The following MACROD2 variants were observed in gnomAD, a reference collection of about 807,000 sequenced individuals.
The protein encoded by MACROD2 is mono-ADP ribosylhydrolase 2, also known as ADP-ribose glycohydrolase MACROD2.
A neutral mutation model predicts 70.4 loss-of-function variants in MACROD2; 36 were observed. That is an observed-to-expected ratio of 0.51 (90% CI 0.39 to 0.68). MACROD2 has a LOEUF of 0.68. Among genes scored for constraint, MACROD2 ranks in the 30% least tolerant of loss-of-function variants. The pLI, the probability that MACROD2 is intolerant of heterozygous loss-of-function variation, is 0.00. For synonymous variants in MACROD2, 172 were observed against 178.8 expected (o/e 0.96, Z 0.30); for missense variants, 496 against 538.4 (o/e 0.92, Z 0.78).
intron 5 of MACROD2, among the ~76,000 whole-genome samples, chr20:15,079,418 G>C (rs562808223): frequency 1.3e-5 from 2 of 151,876 alleles, no homozygotes; most frequent in East Asian, 3.9e-4. Flanking sequence ...TACTCTTTTT[G>C]ATCTTGCCAT....
At chr20:15,451,480 A>G (rs374759995) in intron 7 of MACROD2, among the ~76,000 whole-genome samples, 1 of 150,380 alleles carries the variant, frequency 6.6e-6, no homozygotes, top group Non-Finnish European at 1.5e-5. Context: ...TTTGAAATAC[A>G]CTCGAGAATG....
In MACROD2 at chr20:14,111,761, G is replaced by A. The variant is rs148589099; in HGVS notation, c.271+26033G>A. Among the ~76,000 whole-genome samples, 116 of 152,088 alleles carry A rather than the reference G, an allele frequency of 7.6e-4. 1 individual carries two copies. The highest frequency in any genetic ancestry group is 2.6e-3 in the African/African-American group (110 of 41,530). Reference sequence around the variant, plus strand: ...AGGGAACCTTTGTACACTGTTGATGGGAATGTAAGCTAGTACAATCACTGT... The same window carrying A: ...AGGGAACCTTTGTACACTGTTGATGAGAATGTAAGCTAGTACAATCACTGT... On this transcript the variant is annotated intron_variant, in intron 3 of 17. Transcript: ENST00000684519.
intron 7 of MACROD2, among the ~76,000 whole-genome samples, chr20:15,481,018 C>A (rs2047089893): frequency 6.6e-6 from 1 of 152,190 alleles, no homozygotes; most frequent in South Asian, 2.1e-4. Flanking sequence ...ATCCTATTTC[C>A]TACCTAGACC....
chr20:15,932,165 T>G (rs1332456430), intron 10 of MACROD2, among the ~76,000 whole-genome samples: 1 of 152,168 alleles, frequency 6.6e-6, no homozygotes, highest in Admixed American at 6.6e-5. Context: ...CAAGAAGGCT[T>G]GGCTCACAGG....
intron 3 of MACROD2, among the ~76,000 whole-genome samples, chr20:14,303,652 A>C (rs1489430617): frequency 6.6e-6 from 1 of 152,148 alleles, no homozygotes; most frequent in Non-Finnish European, 1.5e-5. Flanking sequence ...CTAGTACTTA[A>C]TATGCATCAG....
chr20:14,714,388 C>T (rs2123669430), intron 5 of MACROD2, among the ~76,000 whole-genome samples: 1 of 152,164 alleles, frequency 6.6e-6, no homozygotes, highest in South Asian at 2.1e-4. Flanking sequence ...CACTTTTGTC[C>T]CCATCCACTC....
chr20:15,909,026 G>A (rs2065192232), intron 10 of MACROD2, among the ~76,000 whole-genome samples: 1 of 152,194 alleles, frequency 6.6e-6, no homozygotes, highest in African/African-American at 2.4e-5. Flanking sequence ...GGCAGGGCTC[G>A]ACAGGGATAG....
At chr20:15,610,938 T>G (rs2048958341) in intron 8 of MACROD2, among the ~76,000 whole-genome samples, 2 of 150,698 alleles carry the variant, frequency 1.3e-5, no homozygotes, top group South Asian at 4.2e-4. Context: ...ACTGGGACTT[T>G]CACTGACTCA....
At chr20:14,927,177 C>A (rs896542914) in intron 5 of MACROD2, among the ~76,000 whole-genome samples, 4 of 152,146 alleles carry the variant, frequency 2.6e-5, no homozygotes, top group African/African-American at 9.7e-5. Context: ...TCGCTAAGAG[C>A]TTCTTGCAAT....
At chr20:14,934,878 A>ACCTTTC (rs1214866679) in intron 5 of MACROD2, 1 of 152,146 alleles carries the variant, frequency 6.6e-6, no homozygotes, top group South Asian at 2.1e-4. Flanking sequence ...AGGGACTGTG[A>ACCTTTC]CCTTTCAGTT....
chr20:14,734,895 A>T (rs1199693717), intron 5 of MACROD2, among the ~76,000 whole-genome samples: 1 of 151,988 alleles, frequency 6.6e-6, no homozygotes, highest in African/African-American at 2.4e-5. Context: ...ACAAAGAATA[A>T]TATCTTCAAC....
At chr20:14,921,839 G>A (rs2074167624) in intron 5 of MACROD2, among the ~76,000 whole-genome samples, 1 of 152,286 alleles carries the variant, frequency 6.6e-6, no homozygotes, top group South Asian at 2.1e-4. Context: ...TTCCATATTA[G>A]CATGTAATGT....
rs76102039 is a variant in MACROD2, at chr20:15,371,300, G to C, written c.541-60105G>C. On this transcript the variant is annotated intron_variant, in intron 6 of 17. Coordinates refer to ENST00000684519, the MANE Select transcript of MACROD2 (RefSeq NM_001351661.2). ...AAAATAGTGGTTTTCAAATCTTATA[G>C]CCCTAGTATCATCTTAGAGGTTTCA... is the stretch of plus-strand genomic sequence containing the variant. Among the ~76,000 whole-genome samples, 199 of 152,210 alleles carry C rather than the reference G, an allele frequency of 1.3e-3. No individual in the cohort carries two copies. In the East Asian group the frequency reaches 0.035, roughly 27 times the overall value.
intron 3 of MACROD2, among the ~76,000 whole-genome samples, chr20:14,253,498 C>T (rs2082028347): frequency 6.6e-6 from 1 of 151,954 alleles, no homozygotes; most frequent in African/African-American, 2.4e-5. Flanking sequence ...ATTTCTCCTA[C>T]TTTGGATATT....
intron 5 of MACROD2, among the ~76,000 whole-genome samples, chr20:15,045,571 T>A (rs2075386752): frequency 6.6e-6 from 1 of 152,264 alleles, no homozygotes; most frequent in Middle Eastern, 3.4e-3. Flanking sequence ...TAAATCATGA[T>A]TTGATTCATA....
At chr20:15,648,767 T>A (rs1351420684) in intron 8 of MACROD2, among the ~76,000 whole-genome samples, 1 of 152,010 alleles carries the variant, frequency 6.6e-6, no homozygotes, top group African/African-American at 2.4e-5. Context: ...GAGTGACTCT[T>A]ATTAAACTTA....
intron 13 of MACROD2, among the ~76,000 whole-genome samples, chr20:15,977,725 G>T (rs1264940259): frequency 6.6e-6 from 1 of 152,206 alleles, no homozygotes; most frequent in African/African-American, 2.4e-5. Context: ...GGTGTGATCA[G>T]GATCTGGATG....
At chr20:16,034,129 A>G (rs1312965246) in intron 15 of MACROD2, among the ~76,000 whole-genome samples, 3 of 152,100 alleles carry the variant, frequency 2.0e-5, no homozygotes, top group Non-Finnish European at 4.4e-5. Context: ...GTGAATGAAT[A>G]AATCCATGCC....
chr20:14,553,631 A>G (rs1300763133), intron 4 of MACROD2, among the ~76,000 whole-genome samples: 4 of 152,208 alleles, frequency 2.6e-5, no homozygotes, highest in African/African-American at 9.6e-5. Flanking sequence ...TGGCATTTCT[A>G]TGCAATGGGA....
Sources: gnomAD v4.1 joint callset for allele counts (sites outside exome capture counted in the v4.1 genomes callset) on GRCh38, gnomAD v4.1.1 for gene constraint, MANE v1.5 for transcripts, NCBI Gene and HGNC (gene_info 2026-07-23, HGNC 2026-07-21) for gene names.